CLVS1: variants seen among roughly 807,000 people sequenced by gnomAD.
CLVS1 encodes clavesin 1, also known as clavesin-1.
A neutral mutation model predicts 33.1 loss-of-function variants in CLVS1; 10 were observed. The observed-to-expected ratio is 0.30, with a 90% CI of 0.19 to 0.51. The LOEUF is 0.51. CLVS1 is among the 20% of genes least tolerant of loss of function. CLVS1 has a pLI of 0.97. For synonymous variants in CLVS1, 163 were observed against 166.1 expected (o/e 0.98, Z 0.14); for missense variants, 343 against 433.4 (o/e 0.79, Z 1.85).
intron 1 of CLVS1, among the ~76,000 whole-genome samples, chr8:61,095,265 C>T (rs950110321): frequency 6.6e-6 from 1 of 152,118 alleles, no homozygotes; most frequent in Non-Finnish European, 1.5e-5. Flanking sequence ...CAAAATAGCT[C>T]TTGGTTTTTT....
At chr8:61,454,771 A>C (rs992887187) in intron 4 of CLVS1, among the ~76,000 whole-genome samples, 6 of 152,224 alleles carry the variant, frequency 3.9e-5, no homozygotes, top group Non-Finnish European at 8.8e-5. Context: ...TCAATTGATA[A>C]CACTTGGGAA....
chr8:61,244,148 G>A (rs138155888), intron 2 of CLVS1, among the ~76,000 whole-genome samples: 78 of 152,074 alleles, frequency 5.1e-4, no homozygotes, highest in African/African-American at 1.8e-3. Context: ...ACCAGAGGAT[G>A]GAGACAGTAG....
chr8:60,986,198 G>A, the CLVS1 span, among the ~76,000 whole-genome samples: 1 of 152,342 alleles, frequency 6.6e-6, no homozygotes, highest in Admixed American at 6.5e-5. Context: ...TGTGCAGATA[G>A]ACTTGCCACT....
At chr8:61,075,167 C>T (rs1804886576) in intron 1 of CLVS1, among the ~76,000 whole-genome samples, 1 of 152,142 alleles carries the variant, frequency 6.6e-6, no homozygotes, top group African/African-American at 2.4e-5. Context: ...CTGTGGACTG[C>T]TCAAGGGGAA....
intron 2 of CLVS1, among the ~76,000 whole-genome samples, chr8:61,219,787 C>T (rs1022132646): frequency 3.9e-5 from 6 of 152,070 alleles, no homozygotes; most frequent in Non-Finnish European, 7.4e-5. Context: ...TGTTCCTATT[C>T]CTCCACAGCC....
the CLVS1 span, among the ~76,000 whole-genome samples, chr8:60,985,402 T>C: frequency 6.6e-6 from 1 of 152,186 alleles, no homozygotes; most frequent in Non-Finnish European, 1.5e-5. Context: ...CCACTGGTCC[T>C]CCTCTTTGAT....
At chr8:61,335,850 G>C (rs1013629271) in intron 2 of CLVS1, among the ~76,000 whole-genome samples, 1 of 152,178 alleles carries the variant, frequency 6.6e-6, no homozygotes, top group Admixed American at 6.5e-5. Context: ...GATGGGGCAC[G>C]TGTTCCCTGC....
chr8:61,431,110 A>T (rs892454635), intron 3 of CLVS1, among the ~76,000 whole-genome samples: 1 of 152,240 alleles, frequency 6.6e-6, no homozygotes, highest in Admixed American at 6.5e-5. Context: ...CAATTCTGAT[A>T]GATCTGATAC....
chr8:61,078,271 C>A (rs1362813085), intron 1 of CLVS1, among the ~76,000 whole-genome samples: 2 of 152,186 alleles, frequency 1.3e-5, no homozygotes, highest in East Asian at 1.9e-4. Context: ...ACACACACAG[C>A]GGAATTGCCC....
intron 5 of CLVS1, among the ~76,000 whole-genome samples, chr8:61,496,048 G>T (rs758771317): frequency 6.6e-6 from 1 of 152,156 alleles, no homozygotes; most frequent in Non-Finnish European, 1.5e-5. Context: ...ATGTAAGGAA[G>T]AATTTTCTAG....
intron 2 of CLVS1, among the ~76,000 whole-genome samples, chr8:61,168,844 C>T (rs955845855): frequency 5.3e-5 from 8 of 152,216 alleles, no homozygotes; most frequent in African/African-American, 1.9e-4. Context: ...TACCCTGCTC[C>T]AACTAAAGAT....
chr8:61,419,675 G>A lies in CLVS1; in HGVS notation c.631-34466G>A, dbSNP rs1486369820. 2.0e-5 allele frequency among the ~76,000 whole-genome samples: 3 copies of A among 152,206 alleles called. No homozygotes were observed. The East Asian group carries it at 5.8e-4, about 29-fold the overall frequency. On this transcript the variant is annotated intron_variant, in intron 3 of 5. Coordinates refer to ENST00000325897, the MANE Select transcript of CLVS1 (RefSeq NM_173519.3). ...TTTGGAAACCTCCTCAGGGAAACCTGCCTCTGAAAGCAGCTGACTCTAGGA... is the reference window on the plus strand; with the variant it reads ...TTTGGAAACCTCCTCAGGGAAACCTACCTCTGAAAGCAGCTGACTCTAGGA...
chr8:61,155,711 C>T (rs1357511957), intron 2 of CLVS1, among the ~76,000 whole-genome samples: 3 of 152,134 alleles, frequency 2.0e-5, no homozygotes, highest in Non-Finnish European at 1.5e-5. Flanking sequence ...GGGAGATTTG[C>T]ATCTGTAGAG....
intron 3 of CLVS1, among the ~76,000 whole-genome samples, chr8:61,405,686 C>G (rs1156784726): frequency 1.3e-5 from 2 of 148,720 alleles, no homozygotes; most frequent in Non-Finnish European, 3.0e-5. Context: ...TATCAATACA[C>G]TGATAAGTGG....
chr8:61,306,349 C>T (rs1007708281), intron 2 of CLVS1, among the ~76,000 whole-genome samples: 2 of 152,054 alleles, frequency 1.3e-5, no homozygotes, highest in African/African-American at 4.8e-5. Context: ...TTAGAGGTGT[C>T]TGTTCATGTT....
At chr8:61,201,629 G>A (rs2931323) in intron 2 of CLVS1, among the ~76,000 whole-genome samples, 54,559 of 151,956 alleles carry the variant, frequency 0.36, 11,970 homozygotes, top group Middle Eastern at 0.57. Flanking sequence ...GTAATGTGAT[G>A]GGCCAAAGAG....
intron 5 of CLVS1, among the ~76,000 whole-genome samples, chr8:61,493,949 C>T (rs1221788019): frequency 2.6e-5 from 4 of 152,096 alleles, no homozygotes; most frequent in Admixed American, 2.6e-4. Flanking sequence ...GAGCAGCATT[C>T]CTGTCCCTTT....
the CLVS1 span, among the ~76,000 whole-genome samples, chr8:61,033,525 G>GA: frequency 6.6e-6 from 1 of 152,222 alleles, no homozygotes; most frequent in Non-Finnish European, 1.5e-5. Flanking sequence ...CTTACTGGGT[G>GA]AGGGGGGAAA....
intron 1 of CLVS1, among the ~76,000 whole-genome samples, chr8:61,128,984 G>A (rs1187888380): frequency 6.6e-6 from 1 of 152,194 alleles, no homozygotes; most frequent in African/African-American, 2.4e-5. Context: ...GCTTTAGTGA[G>A]TGATTTCTTT....
Sources: gnomAD v4.1 joint callset for allele counts (sites outside exome capture counted in the v4.1 genomes callset) on GRCh38, gnomAD v4.1.1 for gene constraint, MANE v1.5 for transcripts, NCBI Gene and HGNC (gene_info 2026-07-23, HGNC 2026-07-21) for gene names.